Variants in ATF1 observed in about 807,000 individuals in gnomAD.
ATF1 encodes the protein activating transcription factor 1.
A neutral mutation model predicts 34.7 loss-of-function variants in ATF1; 16 were observed. The observed-to-expected ratio is 0.46, with a 90% CI of 0.31 to 0.70. The LOEUF (loss-of-function observed/expected upper bound fraction) is 0.70. ATF1 is among the 30% of genes least tolerant of loss of function. The pLI is 0.05. For missense variants in ATF1, 255 were observed against 321.6 expected (o/e 0.79, Z 1.58); for synonymous variants, 105 against 113.1 (o/e 0.93, Z 0.46).
Position 50,780,227 on chromosome 12 carries a change from A to G in ATF1, c.82A>G (p.Ile28Val). The part of the protein sequence containing the change: ...SAVQGAHISH[I>V]AQQVSSLSES... ...AGTTCAGGGAGCTCACATTTCTCAT[A>G]TTGCTCAACAGGTAAGGGAGGGACT... The change falls in exon 2 of 7, where the codon ATT becomes GTT. Residue 28 changes from isoleucine (I) to valine (V), a missense_variant. Around this residue, in one of 2 missense-constraint regions of ATF1, gnomAD observed 221 missense variants for 250.7 expected, o/e 0.88. Coordinates refer to ENST00000262053, the MANE Select transcript of ATF1 (RefSeq NM_005171.5). 6.2e-7 allele frequency: 1 copy of G among 1,611,690 alleles called. No individual in the cohort carries two copies. Among genetic ancestry groups the G allele is most frequent in the East Asian group, 2.2e-5 (1 of 44,846 alleles).
intron 6 of ATF1, among the ~76,000 whole-genome samples, chr12:50,815,297 C>T (rs894411847): frequency 1.5e-5 from 2 of 131,186 alleles, no homozygotes; most frequent in Non-Finnish European, 3.5e-5. Flanking sequence ...ATGATCCTGA[C>T]CCTAGGCTAG....
chr12:50,787,470 C>A (rs137885448), intron 2 of ATF1, among the ~76,000 whole-genome samples: 1 of 152,056 alleles, frequency 6.6e-6, no homozygotes, highest in East Asian at 1.9e-4. Context: ...TGGTGGCTCA[C>A]GCCTGTAATC....
chr12:50,800,725 C>T (rs1318256274), intron 3 of ATF1, among the ~76,000 whole-genome samples: 1 of 152,146 alleles, frequency 6.6e-6, no homozygotes, highest in Admixed American at 6.5e-5. Context: ...GAAACCATCC[C>T]CTGACTTCCC....
Position 50,820,630 on chromosome 12 carries a change from A to AT in ATF1, c.*856dup, listed in dbSNP as rs1941931634. 1 of 177,392 alleles carries AT rather than the reference A, an allele frequency of 5.6e-6. No homozygotes were observed. Among genetic ancestry groups the AT allele is most frequent in the Admixed American group, 6.3e-5 (1 of 15,816 alleles). The allele number at this position is 177,392 out of a possible 1,614,324, so 11.0% of individuals were successfully genotyped here. A position where few individuals can be genotyped will look rare whatever the true frequency, so the allele number is the denominator to read the frequency against. On this transcript the variant is annotated 3_prime_UTR_variant, in exon 7 of 7. Transcript: ENST00000262053. Reference sequence around the variant, plus strand: ...AATGTTTACAGGCCCTTAAAATATTATTTTTAAAAAACCTTCTGAAGATAC... The same window carrying AT: ...AATGTTTACAGGCCCTTAAAATATTATTTTTTAAAAAACCTTCTGAAGATAC...
intron 3 of ATF1, among the ~76,000 whole-genome samples, chr12:50,800,318 A>G (rs1941488045): frequency 6.6e-6 from 1 of 152,258 alleles, no homozygotes; most frequent in Non-Finnish European, 1.5e-5. Flanking sequence ...ATCAAGGGAA[A>G]CTAAGGGAAA....
At chr12:50,817,399 AAAC>A (rs1182363872) in intron 6 of ATF1, among the ~76,000 whole-genome samples, 4 of 152,224 alleles carry the variant, frequency 2.6e-5, no homozygotes, top group South Asian at 2.1e-4. Flanking sequence ...TTGAATGAAA[AAAC>A]AAGTTGCAAC....
intron 1 of ATF1, among the ~76,000 whole-genome samples, chr12:50,771,385 T>G (rs1444484236): frequency 6.6e-6 from 1 of 152,304 alleles, no homozygotes; most frequent in East Asian, 1.9e-4. Flanking sequence ...GAACGTTTTC[T>G]TACTAATTTT....
chr12:50,787,655 T>C (rs1456017206), intron 2 of ATF1, among the ~76,000 whole-genome samples: 1 of 151,918 alleles, frequency 6.6e-6, no homozygotes, highest in Non-Finnish European at 1.5e-5. Context: ...AGTGGGAGGA[T>C]TGCTTGAGCC....
chr12:50,774,482 G>A (rs1940861042), intron 1 of ATF1, among the ~76,000 whole-genome samples: 1 of 151,936 alleles, frequency 6.6e-6, no homozygotes, highest in South Asian at 2.1e-4. Context: ...CCTGACTTTG[G>A]GTTATCTCCT....
chr12:50,818,286 C>T (rs1362759929), intron 6 of ATF1, among the ~76,000 whole-genome samples: 1 of 151,984 alleles, frequency 6.6e-6, no homozygotes. Flanking sequence ...GTGGTGTACA[C>T]CTGTAGTCCC....
At chr12:50,774,734 TTTTTTG>T (rs1192523751) in intron 1 of ATF1, among the ~76,000 whole-genome samples, 10 of 150,390 alleles carry the variant, frequency 6.6e-5, no homozygotes, top group African/African-American at 1.7e-4. Context: ...GAAAAAAGAG[TTTTTTG>T]TTTTTGTTTT....
chr12:50,770,510 G>A (rs938263460), intron 1 of ATF1, among the ~76,000 whole-genome samples: 3 of 152,108 alleles, frequency 2.0e-5, no homozygotes, highest in Non-Finnish European at 2.9e-5. Context: ...GTCAGGGCTT[G>A]GCTTTTAAAA....
At chr12:50,775,918 A>C (rs1283616643) in intron 1 of ATF1, among the ~76,000 whole-genome samples, 2 of 151,620 alleles carry the variant, frequency 1.3e-5, no homozygotes, top group African/African-American at 2.4e-5. Context: ...TGAATTGGCC[A>C]GTGTGGCTGA....
At chr12:50,788,483 G>A (rs1404432302) in intron 2 of ATF1, among the ~76,000 whole-genome samples, 2 of 151,152 alleles carry the variant, frequency 1.3e-5, no homozygotes, top group African/African-American at 2.4e-5. Flanking sequence ...ACTGCACCTG[G>A]CCCTGTTTTT....
At chr12:50,802,442 T>A (rs1167134341) in intron 3 of ATF1, among the ~76,000 whole-genome samples, 1 of 152,176 alleles carries the variant, frequency 6.6e-6, no homozygotes, top group Non-Finnish European at 1.5e-5. Context: ...GGATAATCGC[T>A]TGAACCTGGG....
intron 3 of ATF1, among the ~76,000 whole-genome samples, chr12:50,802,658 G>A (rs1941534836): frequency 6.6e-6 from 1 of 151,464 alleles, no homozygotes; most frequent in African/African-American, 2.4e-5. Flanking sequence ...CAGATCACGA[G>A]GTCAGGAGTT....
intron 3 of ATF1, among the ~76,000 whole-genome samples, chr12:50,805,589 G>C (rs1160913103): frequency 6.9e-6 from 1 of 145,290 alleles, no homozygotes; most frequent in African/African-American, 2.6e-5. Flanking sequence ...AAAACCTTTT[G>C]TGATTCTTAA....
chr12:50,808,446 A>C (rs1941663164), intron 3 of ATF1, among the ~76,000 whole-genome samples: 1 of 151,566 alleles, frequency 6.6e-6, no homozygotes, highest in Non-Finnish European at 1.5e-5. Context: ...CTTCTACCTC[A>C]GCCCCCCGAG....
intron 2 of ATF1, among the ~76,000 whole-genome samples, chr12:50,794,194 C>T (rs1178227445): frequency 1.3e-5 from 2 of 151,794 alleles, no homozygotes; most frequent in African/African-American, 4.8e-5. Flanking sequence ...TCGTGATCCA[C>T]CCACCTCGGC....
Sources: gnomAD v4.1 joint callset for allele counts (sites outside exome capture counted in the v4.1 genomes callset) on GRCh38, gnomAD v4.1.1 for gene constraint, gnomAD v4.1.1 regional missense constraint, MANE v1.5 for transcripts, NCBI Gene and HGNC (gene_info 2026-07-23, HGNC 2026-07-21) for gene names.